Variants in ADAM23 observed in about 807,000 individuals in gnomAD.
The protein encoded by ADAM23 is disintegrin and metalloproteinase domain-containing protein 23.
ADAM23 carries 33 observed loss-of-function variants against 120.1 expected under a neutral mutation model. The ratio of observed to expected loss-of-function variants is 0.27; its 90% CI spans 0.21 to 0.37. The LOEUF is 0.37. ADAM23 is among the 10% of genes least tolerant of loss of function. ADAM23 has a pLI of 1.00. For synonymous variants in ADAM23, 367 were observed against 375.2 expected (o/e 0.98, Z 0.25); for missense variants, 862 against 1,058.2 (o/e 0.81, Z 2.57).
chr2:206,581,185 A>G (rs1233462040), intron 18 of ADAM23, among the ~76,000 whole-genome samples: 2 of 151,284 alleles, frequency 1.3e-5, no homozygotes, highest in South Asian at 2.1e-4. Flanking sequence ...CATTTATCTT[A>G]TGTATTTTGT....
intron 8 of ADAM23, among the ~76,000 whole-genome samples, chr2:206,549,398 C>T (rs1443325964): frequency 1.3e-5 from 2 of 151,720 alleles, no homozygotes; most frequent in African/African-American, 4.8e-5. Context: ...TGATCAATGA[C>T]TATGTACATA....
chr2:206,552,389 G>A (rs1233989241), intron 9 of ADAM23, among the ~76,000 whole-genome samples: 1 of 152,056 alleles, frequency 6.6e-6, no homozygotes, highest in Non-Finnish European at 1.5e-5. Flanking sequence ...ACTACTAAGT[G>A]TTAATTACAA....
chr2:206,582,362 C>T (rs906177957), intron 18 of ADAM23, among the ~76,000 whole-genome samples: 1 of 152,144 alleles, frequency 6.6e-6, no homozygotes, highest in Non-Finnish European at 1.5e-5. Context: ...AATAGCTACT[C>T]CTGCTTGCTT....
At chr2:206,491,334 T>C (rs1696130697) in intron 3 of ADAM23, among the ~76,000 whole-genome samples, 1 of 152,156 alleles carries the variant, frequency 6.6e-6, no homozygotes, top group Non-Finnish European at 1.5e-5. Context: ...CTACAGTCTT[T>C]AGCAGGAGAA....
At chr2:206,606,871 G>A (rs568757682) in intron 24 of ADAM23, 23 of 152,278 alleles carry the variant, frequency 1.5e-4, no homozygotes, top group African/African-American at 5.5e-4. Context: ...ACACTTCAAA[G>A]TGGCCCAGGA....
At chr2:206,457,716 A>G (rs1243606771) in intron 2 of ADAM23, among the ~76,000 whole-genome samples, 1 of 152,072 alleles carries the variant, frequency 6.6e-6, no homozygotes, top group Admixed American at 6.6e-5. Context: ...TTTCTTGTAT[A>G]TGGAACAAAG....
At chr2:206,489,911 T>A (rs1201437782) in intron 3 of ADAM23, among the ~76,000 whole-genome samples, 1 of 152,194 alleles carries the variant, frequency 6.6e-6, no homozygotes, top group Non-Finnish European at 1.5e-5. Context: ...AGGTCCCAAA[T>A]AGGATTGAAA....
rs940188218 is a variant in ADAM23, at chr2:206,596,039, T to C, written c.2248-12T>C. ...CAGTGAAAATGCCATATCTGTTCCT[T>C]TTTCTTCACAGGTGTGTAGTAATGA... On this transcript the variant is annotated splice_polypyrimidine_tract_variant and intron_variant, in intron 23 of 25. Transcript: ENST00000264377. The C allele has an allele frequency of 1.2e-6, 2 of 1,605,164 alleles. No individual in the cohort carries two copies. The highest frequency in any genetic ancestry group is 1.6e-4 in the Middle Eastern group (1 of 6,068).
intron 2 of ADAM23, among the ~76,000 whole-genome samples, chr2:206,461,454 G>A (rs1444562959): frequency 2.6e-5 from 4 of 152,152 alleles, no homozygotes; most frequent in Non-Finnish European, 5.9e-5. Flanking sequence ...TTGACTGGCT[G>A]TGCAATAGAT....
At chr2:206,445,106 T>A (rs1695052786) in intron 1 of ADAM23, among the ~76,000 whole-genome samples, 1 of 152,158 alleles carries the variant, frequency 6.6e-6, no homozygotes. Flanking sequence ...TATTGGCTAT[T>A]TATTAACTTC....
chr2:206,454,722 G>T (rs759978588), intron 2 of ADAM23, among the ~76,000 whole-genome samples: 3 of 152,212 alleles, frequency 2.0e-5, no homozygotes, highest in Non-Finnish European at 4.4e-5. Context: ...GGGATACATT[G>T]GCCAAAATAA....
At chr2:206,580,033 A>G (rs533766499) in intron 18 of ADAM23, among the ~76,000 whole-genome samples, 2 of 151,944 alleles carry the variant, frequency 1.3e-5, no homozygotes, top group African/African-American at 4.8e-5. Context: ...CTGTTGGTGT[A>G]TAGAAGAGCT....
rs545632632 is a variant in ADAM23 at position 206,608,563 on chromosome 2, C to CATTATT, written c.2360-1331_2360-1326dup. 6.6e-5 allele frequency among the ~76,000 whole-genome samples: 10 copies of CATTATT among 151,602 alleles called. No individual in the cohort carries two copies. The East Asian group carries it at 1.5e-3, about 23-fold the overall frequency. On this transcript the variant is annotated intron_variant, in intron 24 of 25. Transcript: ENST00000264377. ...CTGTTTAAACTATTTTTATGGCTCT[C>CATTATT]ATTATTATTATTATTATTATTGGTG...
rs1433683662 is a variant in ADAM23 at position 206,619,847 on chromosome 2, G to C, written c.*2220G>C. 1 of 152,200 alleles carries C rather than the reference G, an allele frequency of 6.6e-6. No homozygotes were observed. The highest frequency in any genetic ancestry group is 1.9e-4 in the East Asian group (1 of 5,190). 9.4% of individuals were successfully genotyped at this position (152,200 alleles called of 1,614,324 possible). A position where few individuals can be genotyped will look rare whatever the true frequency, so the allele number is the denominator to read the frequency against. On this transcript the variant is annotated 3_prime_UTR_variant, in exon 26 of 26. Transcript: ENST00000264377. ...ACGCAGGTAGGCGGGCTTTCTCTAG[G>C]ACTAGGTGTACGTTTATTTTGTAAT...
At chr2:206,463,063 G>T (rs1299706303) in intron 2 of ADAM23, among the ~76,000 whole-genome samples, 3 of 152,148 alleles carry the variant, frequency 2.0e-5, no homozygotes, top group Non-Finnish European at 4.4e-5. Context: ...GTAGATTTGG[G>T]ATACATTTTG....
chr2:206,465,820 A>C (rs183439333), intron 2 of ADAM23, among the ~76,000 whole-genome samples: 1 of 152,316 alleles, frequency 6.6e-6, no homozygotes, highest in East Asian at 1.9e-4. Context: ...CTCGGAGAAC[A>C]GATGTAGGAA....
intron 3 of ADAM23, among the ~76,000 whole-genome samples, chr2:206,490,917 A>G (rs1267669984): frequency 1.3e-5 from 2 of 152,210 alleles, no homozygotes; most frequent in African/African-American, 4.8e-5. Flanking sequence ...AACATATACA[A>G]TAAAAGAAAT....
At chr2:206,547,897 G>A (rs371512955) in intron 7 of ADAM23, among the ~76,000 whole-genome samples, 1 of 151,964 alleles carries the variant, frequency 6.6e-6, no homozygotes, top group Non-Finnish European at 1.5e-5. Flanking sequence ...TGATTGTTGG[G>A]GCATGTGATT....
chr2:206,495,799 G>A (rs1217680934), intron 3 of ADAM23, among the ~76,000 whole-genome samples: 1 of 152,138 alleles, frequency 6.6e-6, no homozygotes, highest in Non-Finnish European at 1.5e-5. Flanking sequence ...TAAAGGGATG[G>A]AGGAAGATCT....
Sources: gnomAD v4.1 joint callset for allele counts (sites outside exome capture counted in the v4.1 genomes callset) on GRCh38, gnomAD v4.1.1 for gene constraint, MANE v1.5 for transcripts, NCBI Gene and HGNC (gene_info 2026-07-23, HGNC 2026-07-21) for gene names.